Variants in CXCL12 observed in about 807,000 individuals in gnomAD.
CXCL12 encodes the protein stromal cell-derived factor 1.
CXCL12 carries 4 observed loss-of-function variants against 10.7 expected under a neutral mutation model. That is an observed-to-expected ratio of 0.37 (90% CI 0.18 to 0.86). The LOEUF (loss-of-function observed/expected upper bound fraction) is 0.86, where lower values mean the gene tolerates loss of function less well. Among genes scored for constraint, CXCL12 ranks in the 40% least tolerant of loss-of-function variants. The probability of loss-of-function intolerance (pLI) is 0.43; values close to 1 mark genes in which losing one functional copy is unlikely to be tolerated. For missense variants in CXCL12, 122 were observed against 110.4 expected (o/e 1.10, Z -0.47); for synonymous variants, 54 against 45.4 (o/e 1.19, Z -0.77).
chr10:44,374,480 C>G (rs759506992), downstream of CXCL12: 1 of 456,058 alleles, frequency 2.2e-6, no homozygotes, highest in South Asian at 1.5e-5. Flanking sequence ...CTAGGGCACC[C>G]CTGTACCCAG....
chr10:44,375,994 ATCTTT>A, downstream of CXCL12: 1 of 1,613,756 alleles, frequency 6.2e-7, no homozygotes, highest in Non-Finnish European at 8.5e-7. Flanking sequence ...CTTTTTTCCT[ATCTTT>A]TCTTTTTTCC....
intron 1 of CXCL12, among the ~76,000 whole-genome samples, chr10:44,382,493 C>T (rs1208467505): frequency 6.6e-6 from 1 of 152,124 alleles, no homozygotes; most frequent in Non-Finnish European, 1.5e-5. Context: ...GAGGCACAAG[C>T]CCCCTCCCGG....
Position 44,377,494 on chromosome 10 carries a change from T to G in CXCL12, c.*1139A>C. 1 of 1,346,610 alleles carries G rather than the reference T, an allele frequency of 7.4e-7. No individual in the cohort carries two copies. The highest frequency in any genetic ancestry group is 9.5e-7 in the Non-Finnish European group (1 of 1,053,292). 83.4% of individuals were successfully genotyped at this position (1,346,610 alleles called of 1,614,324 possible). A position where few individuals can be genotyped will look rare whatever the true frequency, so the allele number is the denominator to read the frequency against. ...TGTGGATCGCATTTATGCATGGAAA[T>G]GTCACCTTGCCAACAGTTCTGATTG... On this transcript the variant is annotated 3_prime_UTR_variant, in exon 3 of 3. Coordinates refer to ENST00000343575, the MANE Select transcript of CXCL12 (RefSeq NM_199168.4).
chr10:44,377,754 C>A lies in CXCL12; in HGVS notation c.*879G>T, dbSNP rs762131157. On this transcript the variant is annotated 3_prime_UTR_variant, in exon 3 of 3. Transcript: ENST00000343575. ...GCGGGTAAGCAGGGGGACCATTACA[C>A]ATCCCCAGGAGAGGGCCAGCTCCAT... 3.1e-6 allele frequency: 5 copies of A among 1,598,276 alleles called. No individual in the cohort carries two copies. In the African/African-American group the frequency reaches 4.0e-5, roughly 13 times the overall value.
In CXCL12 at chr10:44,382,375, C is replaced by CTA. The variant is rs897148372; in HGVS notation, c.62-1496_62-1495insTA. Among the ~76,000 whole-genome samples, 3 of 152,186 alleles carry CTA rather than the reference C, an allele frequency of 2.0e-5. 1 individual carries two copies. The highest frequency in any genetic ancestry group is 4.4e-5 in the Non-Finnish European group (3 of 68,034). On this transcript the variant is annotated intron_variant, in intron 1 of 2. Transcript: ENST00000343575. ...CAGCCTGGGTAACTGAGGAGCTAAA[C>CTA]GCTCCTGAGTGTTGTGCCTCCAGGT...
chr10:44,372,637 G>C (rs1329134213), downstream of CXCL12: 1 of 1,347,386 alleles, frequency 7.4e-7, no homozygotes. Flanking sequence ...CCTTTTGCAG[G>C]GCCATGGAGA....
downstream of CXCL12, chr10:44,374,804 G>A: frequency 2.5e-6 from 1 of 400,694 alleles, no homozygotes; most frequent in South Asian, 1.9e-5. Flanking sequence ...GGTGCAGGGT[G>A]GGCGGGTGTT....
At chr10:44,373,319 C>T (rs775976234), downstream of CXCL12, 2 of 1,607,512 alleles carry the variant, frequency 1.2e-6, no homozygotes, top group Non-Finnish European at 1.7e-6. Flanking sequence ...CCTCAGGCGT[C>T]TGACCCTCTC....
At chr10:44,376,336 C>T (rs144332577), downstream of CXCL12, among the ~76,000 whole-genome samples, 10 of 152,356 alleles carry the variant, frequency 6.6e-5, no homozygotes, top group East Asian at 1.9e-3. Flanking sequence ...TCAGGGTACA[C>T]CCAGGGCCAG....
chr10:44,378,366 A>AG lies in CXCL12; in HGVS notation c.*266dup, dbSNP rs759602771. 1.0e-4 allele frequency: 154 copies of AG among 1,522,250 alleles called. No homozygotes were observed. The highest frequency in any genetic ancestry group is 1.3e-4 in the Non-Finnish European group (147 of 1,132,076). 94.3% of individuals were successfully genotyped at this position (1,522,250 alleles called of 1,614,324 possible). On this transcript the variant is annotated 3_prime_UTR_variant, in exon 3 of 3. Coordinates refer to ENST00000343575, the MANE Select transcript of CXCL12 (RefSeq NM_199168.4). ...CTGTTGATAATACAATTTCTTTCTT[A>AG]GAAAAACCCCAGTAATAAAAGTTCC...
At position 44,378,681 on chromosome 10, in the gene CXCL12, CG is replaced by C; in HGVS notation, c.221del (p.Pro74ArgfsTer3). 1 of 1,614,186 alleles carries C rather than the reference CG, an allele frequency of 6.2e-7. No individual in the cohort carries two copies. Among genetic ancestry groups the C allele is most frequent in the Non-Finnish European group, 8.5e-7 (1 of 1,180,050 alleles). Reference sequence around the variant, plus strand: ...GGTACTCCTGAATCCACTTTAGCTTCGGGTCAATGCACACTTGTCTGTTGTT... The same window carrying C: ...GGTACTCCTGAATCCACTTTAGCTTCGGTCAATGCACACTTGTCTGTTGTT... ...KNNNRQVCID[P>X]KLKWIQEYLE... On this transcript the variant is annotated frameshift_variant, in exon 3 of 3. Coordinates refer to ENST00000343575, the MANE Select transcript of CXCL12 (RefSeq NM_199168.4). LOFTEE classifies it high-confidence loss of function.
downstream of CXCL12, chr10:44,376,990 AC>A: frequency 2.0e-6 from 1 of 507,214 alleles, no homozygotes; most frequent in Non-Finnish European, 2.5e-6. Context: ...ACACTGTCAC[AC>A]ATGGGCTGTG....
intron 1 of CXCL12, among the ~76,000 whole-genome samples, chr10:44,382,702 C>T (rs1839668898): frequency 6.6e-6 from 1 of 152,102 alleles, no homozygotes; most frequent in Non-Finnish European, 1.5e-5. Context: ...CCTCCACCCC[C>T]TGGGATTATC....
At chr10:44,375,917 T>A, downstream of CXCL12, 1 of 1,610,506 alleles carries the variant, frequency 6.2e-7, no homozygotes, top group Non-Finnish European at 8.5e-7. Context: ...TGAACTGTGG[T>A]CCATCTCGAG....
chr10:44,371,143 T>A (rs1052621792), downstream of CXCL12: 2 of 225,744 alleles, frequency 8.9e-6, no homozygotes, highest in African/African-American at 2.4e-5. Flanking sequence ...TAAATGCATA[T>A]TGCTTTAGCT....
At chr10:44,375,692 G>A (rs1011948609), downstream of CXCL12, among the ~76,000 whole-genome samples, 13 of 152,198 alleles carry the variant, frequency 8.5e-5, no homozygotes, top group Non-Finnish European at 1.5e-4. Context: ...CACAGGCTCC[G>A]CGTCACAGAC....
In CXCL12 at chr10:44,378,284, G is replaced by C; in HGVS notation, c.*349C>G. ...TGAAGTACTCGTTGATTTAAAAAAT[G>C]AGAATGAGAATGATGATGATTGTGA... is the stretch of plus-strand genomic sequence containing the variant. On this transcript the variant is annotated 3_prime_UTR_variant, in exon 3 of 3. Transcript: ENST00000343575. The C allele has an allele frequency of 1.4e-6, 2 of 1,468,032 alleles. No homozygotes were observed. The highest frequency in any genetic ancestry group is 1.8e-6 in the Non-Finnish European group (2 of 1,098,062). The allele number at this position is 1,468,032 out of a possible 1,614,324, so 90.9% of individuals were successfully genotyped here. A position where few individuals can be genotyped will look rare whatever the true frequency, so the allele number is the denominator to read the frequency against.
At chr10:44,381,277 C>T (rs1256910604) in intron 1 of CXCL12, among the ~76,000 whole-genome samples, 2 of 152,158 alleles carry the variant, frequency 1.3e-5, no homozygotes, top group African/African-American at 4.8e-5. Flanking sequence ...GAAAGATCTC[C>T]CTACTCAGGG....
chr10:44,384,990 C>G lies in CXCL12; in HGVS notation c.16G>C (p.Val6Leu). The change falls in exon 1 of 3, where the codon GTG (valine) becomes CTG (leucine). Residue 6 changes from valine (V) to leucine (L), a missense_variant. By Grantham distance (32) the Val-to-Leu change is conservative. Coordinates refer to ENST00000343575, the MANE Select transcript of CXCL12 (RefSeq NM_199168.4). Reference sequence around the variant, plus strand: ...GTCAGCACGAGGACCAGCACGACCACGACCTTGGCGTTCATGGCGCGGGCG... The same window carrying G: ...GTCAGCACGAGGACCAGCACGACCAGGACCTTGGCGTTCATGGCGCGGGCG... MNAKV[V>L]VVLVLVLTAL... 1 of 1,503,520 alleles carries G rather than the reference C, an allele frequency of 6.7e-7. No individual in the cohort carries two copies. Among genetic ancestry groups the G allele is most frequent in the Non-Finnish European group, 8.8e-7 (1 of 1,135,416 alleles). The allele number at this position is 1,503,520 out of a possible 1,614,324, so 93.1% of individuals were successfully genotyped here.
Sources: gnomAD v4.1 joint callset for allele counts (sites outside exome capture counted in the v4.1 genomes callset) on GRCh38, gnomAD v4.1.1 for gene constraint, MANE v1.5 for transcripts, NCBI Gene and HGNC (gene_info 2026-07-23, HGNC 2026-07-21) for gene names.